Variants in SEPTIN4 observed in about 807,000 individuals in gnomAD.
SEPTIN4 encodes septin 4.
In SEPTIN4, 52 loss-of-function variants were observed where a neutral mutation model predicts 107.1. That is an observed-to-expected ratio of 0.49 (90% CI 0.39 to 0.61). The LOEUF (loss-of-function observed/expected upper bound fraction) is 0.61, where lower values mean the gene tolerates loss of function less well. Ranked by LOEUF, SEPTIN4 falls within the 20% of genes least tolerant of loss-of-function variation. SEPTIN4 has a pLI of 0.00. For synonymous variants in SEPTIN4, 417 were observed against 467.0 expected, an observed-to-expected ratio of 0.89 and a Z score of 1.38; for missense variants, 1,048 against 1,243.5, an observed-to-expected ratio of 0.84 and a Z score of 2.36.
intron 3 of SEPTIN4, among the ~76,000 whole-genome samples, chr17:58,537,569 T>C (rs1030970861): frequency 3.9e-5 from 6 of 152,218 alleles, no homozygotes; most frequent in African/African-American, 1.2e-4. Flanking sequence ...TGGTGACTCA[T>C]GCCTGTAATC....
intron 3 of SEPTIN4, chr17:58,539,079 G>T: frequency 7.1e-7 from 1 of 1,417,878 alleles, no homozygotes; most frequent in South Asian, 1.3e-5. Context: ...TCATGCATTA[G>T]AGAGCACCTG....
At chr17:58,532,047 G>C in intron 3 of SEPTIN4, 3 of 1,119,350 alleles carry the variant, frequency 2.7e-6, no homozygotes, top group Non-Finnish European at 3.3e-6. Flanking sequence ...TCGCAGCACC[G>C]CCGTCACCCT....
chr17:58,525,043 CAG>C, intron 7 of SEPTIN4, 33 bp downstream of exon 7: 1 of 1,613,590 alleles, frequency 6.2e-7, no homozygotes. Flanking sequence ...AAGGGTGGCT[CAG>C]GGGCAGCTGG....
Position 58,526,927 on chromosome 17 carries a change from C to A in SEPTIN4, c.1666G>T (p.Val556Leu). The A allele has an allele frequency of 1.2e-6, 2 of 1,614,110 alleles. No homozygotes were observed. Among genetic ancestry groups the A allele is most frequent in the Non-Finnish European group, 8.5e-7 (1 of 1,180,024 alleles). The change falls in exon 4 of 14, where the codon GTG (valine) becomes TTG (leucine). Residue 556 changes from valine to leucine, a missense_variant. Physicochemically the swap from Val to Leu is conservative, Grantham distance 32. Coordinates refer to ENST00000672673, the MANE Select transcript of SEPTIN4 (RefSeq NM_001368771.2). ...TTDDGELSKF[V>L]KDFSGNASCH... ...CTCGCATTTCCTGAGAAATCCTTCA[C>A]GAACTTGCTCAGTTCTCCATCATCC...
intron 3 of SEPTIN4, chr17:58,532,124 G>GGGGCGGGGCCTGTACCTCAGCTGC: frequency 9.5e-7 from 1 of 1,047,446 alleles, no homozygotes; most frequent in Non-Finnish European, 1.1e-6. Flanking sequence ...AGTCGGCCCC[G>GGGGCGGGGCCTGTACCTCAGCTGC]GGGCGGGGCC....
rs184264902 is a variant in SEPTIN4, at chr17:58,526,024, C to G, written c.2005+196G>C. Among the ~76,000 whole-genome samples, 55 of 152,098 alleles carry G rather than the reference C, an allele frequency of 3.6e-4. 1 individual carries two copies. Among genetic ancestry groups the G allele is most frequent in the African/African-American group, 1.2e-3 (51 of 41,472 alleles). On this transcript the variant is annotated intron_variant, in intron 5 of 13. Transcript: ENST00000672673. ...ACTGTTGGTCAGATGCTCTTTGCAA[C>G]CAATTCGAACCCCCACCCCCACCCC... is the stretch of plus-strand genomic sequence containing the variant.
At chr17:58,530,041 G>A (rs888158387) in intron 3 of SEPTIN4, 5 of 152,318 alleles carry the variant, frequency 3.3e-5, no homozygotes, top group African/African-American at 9.7e-5. Flanking sequence ...GGCAATGGGA[G>A]GCTGGCAGCC....
chr17:58,543,034 TGTAA>T lies in SEPTIN4; in HGVS notation c.1149_1152del (p.Tyr384CysfsTer24). 6.2e-7 allele frequency: 1 copy of T among 1,610,840 alleles called. No individual in the cohort carries two copies. Among genetic ancestry groups the T allele is most frequent in the African/African-American group, 1.3e-5 (1 of 74,664 alleles). On this transcript the variant is annotated frameshift_variant, in exon 1 of 14. Coordinates refer to ENST00000672673, the MANE Select transcript of SEPTIN4 (RefSeq NM_001368771.2). LOFTEE classifies it high-confidence loss of function. ...TACCTGGGTGTAGGTCCTTGGGACA[TGTAA>T]GTAATTTCTGGGGGTTTTTGGGTTT...
At chr17:58,526,117 G>T in intron 5 of SEPTIN4, 103 bp downstream of exon 5, 2 of 1,178,022 alleles carry the variant, frequency 1.7e-6, no homozygotes, top group Non-Finnish European at 2.1e-6. Context: ...ACAGCCACTC[G>T]CTGCTTGCTC....
In SEPTIN4 at chr17:58,532,207, G is replaced by A. The variant is rs370390195; in HGVS notation, c.1615-5229C>T. On this transcript the variant is annotated intron_variant, in intron 3 of 13. Transcript: ENST00000672673. ...CAGCTGGGGGCCGGCCTCGCAGCCC[G>A]CGACCCCCGGATGCGCAGAGTATGC... 105 of 611,476 alleles carry A rather than the reference G, an allele frequency of 1.7e-4. No homozygotes were observed. The Middle Eastern group carries it at 5.8e-3, about 34-fold the overall frequency. The allele number at this position is 611,476 out of a possible 1,614,324, so 37.9% of individuals were successfully genotyped here. A position where few individuals can be genotyped will look rare whatever the true frequency, so the allele number is the denominator to read the frequency against.
Position 58,542,996 on chromosome 17 carries a change from C to T in SEPTIN4, c.1191G>A (p.Ser397=), listed in dbSNP as rs777685643. 7 of 1,612,186 alleles carry T rather than the reference C, an allele frequency of 4.3e-6. No individual in the cohort carries two copies. Among genetic ancestry groups the T allele is most frequent in the East Asian group, 2.2e-5 (1 of 44,870 alleles). ...GTTCTGCATGGATGGAGGGCTTTTG[C>T]GAGAGTTCTGGATACCTGGGTGTAG... is the stretch of plus-strand genomic sequence containing the variant. ...QGPTPRYPEL[S]QKPSIHAELE... is the part of the protein sequence containing the mutation. Residue 397 remains serine, a synonymous_variant, in exon 1 of 14, where the codon TCG becomes TCA. Coordinates refer to ENST00000672673, the MANE Select transcript of SEPTIN4 (RefSeq NM_001368771.2).
chr17:58,543,947 A>G lies in SEPTIN4; in HGVS notation c.240T>C (p.Tyr80=). 6.2e-7 allele frequency: 1 copy of G among 1,613,884 alleles called. No homozygotes were observed. Among genetic ancestry groups the G allele is most frequent in the Non-Finnish European group, 8.5e-7 (1 of 1,179,938 alleles). ...SVSLQSGPGH[Y]AVPTPRGPET... ...CGGGTCCCCGAGGAGTGGGTACTGC[A>G]TAGTGTCCAGGTCCTGACTGGAGGG... is the stretch of plus-strand genomic sequence containing the variant. Residue 80 remains tyrosine, a synonymous_variant, in exon 1 of 14, where the codon TAT becomes TAC. Coordinates refer to ENST00000672673, the MANE Select transcript of SEPTIN4 (RefSeq NM_001368771.2).
chr17:58,532,659 A>G (rs2043558166), intron 3 of SEPTIN4, among the ~76,000 whole-genome samples: 1 of 152,184 alleles, frequency 6.6e-6, no homozygotes, highest in African/African-American at 2.4e-5. Flanking sequence ...CTGGAAGGAT[A>G]GAAGGGAGAG....
intron 3 of SEPTIN4, among the ~76,000 whole-genome samples, chr17:58,532,804 G>A (rs896320984): frequency 1.3e-5 from 2 of 152,160 alleles, no homozygotes; most frequent in Non-Finnish European, 2.9e-5. Context: ...GTGAGATGCC[G>A]AGGGGACAGA....
chr17:58,536,487 T>C (rs1231323215), intron 3 of SEPTIN4, among the ~76,000 whole-genome samples: 1 of 152,196 alleles, frequency 6.6e-6, no homozygotes, highest in East Asian at 1.9e-4. Flanking sequence ...CCACCACCTG[T>C]GGAGTCAGCT....
At position 58,540,651 on chromosome 17, in the gene SEPTIN4, CA is replaced by C; in HGVS notation, c.1614+14del. 1 of 1,358,746 alleles carries C rather than the reference CA, an allele frequency of 7.4e-7. No homozygotes were observed. The highest frequency in any genetic ancestry group is 9.4e-7 in the Non-Finnish European group (1 of 1,061,502). 84.2% of individuals were successfully genotyped at this position (1,358,746 alleles called of 1,614,324 possible). ...CCCAGGAAGACTGGGAGTAACCTCC[CA>C]GGGGCATTCTTACCTCCTCATCTGT... On this transcript the variant is annotated intron_variant, in intron 3 of 13. Coordinates refer to ENST00000672673, the MANE Select transcript of SEPTIN4 (RefSeq NM_001368771.2).
rs535100066 is a variant in SEPTIN4, at chr17:58,524,633, C to A, written c.2216+445G>T. On this transcript the variant is annotated intron_variant, in intron 7 of 13. Transcript: ENST00000672673. ...CTAGGCTATAGTGCAGTAGTGCAAT[C>A]ATGGCTCACTGCAGCCTCAACCTCC... 2.6e-3 allele frequency: 389 copies of A among 146,796 alleles called. 1 individual carries two copies. The highest frequency in any genetic ancestry group is 7.5e-3 in the Middle Eastern group (2 of 268). 9.1% of individuals were successfully genotyped at this position (146,796 alleles called of 1,614,324 possible). A position where few individuals can be genotyped will look rare whatever the true frequency, so the allele number is the denominator to read the frequency against.
intron 3 of SEPTIN4, chr17:58,527,587 G>A (rs925839527): frequency 1.0e-5 from 2 of 199,952 alleles, no homozygotes; most frequent in Non-Finnish European, 2.0e-5. Flanking sequence ...ACTGCCCAGC[G>A]CTCAGTATAG....
At chr17:58,529,461 T>A in intron 3 of SEPTIN4, 1 of 1,328,798 alleles carries the variant, frequency 7.5e-7, no homozygotes, top group African/African-American at 1.5e-5. Flanking sequence ...CCCCTCCTCC[T>A]CTGATTGGCT....
Sources: allele counts gnomAD v4.1 joint callset (sites outside exome capture counted in the v4.1 genomes callset), GRCh38; gene constraint gnomAD v4.1.1; transcripts MANE v1.5; gene names NCBI Gene and HGNC (gene_info 2026-07-23, HGNC 2026-07-21).